The following KRABD3 variants were observed in gnomAD, a reference collection of about 807,000 sequenced individuals.
KRABD3 encodes the protein KRAB domain containing 3.
chr7:149,722,285 G>A, the KRABD3 span: 4 of 1,191,444 alleles, frequency 3.4e-6, no homozygotes, highest in Admixed American at 2.3e-5. Context: ...GAAAGAAACG[G>A]TAAAGGCCCT....
the KRABD3 span, chr7:149,719,459 G>C: frequency 7.1e-7 from 1 of 1,404,958 alleles, no homozygotes; most frequent in Non-Finnish European, 9.5e-7. The surrounding 1 kb of genome is among the most constrained non-coding windows in gnomAD (Gnocchi z 5.6). Context: ...GCGCCTGGAG[G>C]CCTAGGTGGG....
At chr7:149,725,574 C>A in the KRABD3 span, 2 of 1,336,550 alleles carry the variant, frequency 1.5e-6, no homozygotes, top group Non-Finnish European at 1.0e-6. Flanking sequence ...TCATTGTGTT[C>A]CCCGGCCTCC....
At chr7:149,731,672 G>A in the KRABD3 span, 2 of 1,607,342 alleles carry the variant, frequency 1.2e-6, no homozygotes, top group Non-Finnish European at 1.7e-6. Flanking sequence ...CTTTCTATAG[G>A]TACAGCTCAG....
the KRABD3 span, chr7:149,729,651 C>T: frequency 6.1e-6 from 6 of 985,476 alleles, no homozygotes; most frequent in Non-Finnish European, 7.2e-6. Context: ...CCGTCCACTG[C>T]TGCTGCTTGG....
chr7:149,715,096 G>A, the KRABD3 span: 2 of 1,230,850 alleles, frequency 1.6e-6, no homozygotes, highest in Non-Finnish European at 2.0e-6. Flanking sequence ...GGACCCCTCG[G>A]CGCAGTGCGG....
the KRABD3 span, chr7:149,728,635 G>A: frequency 1.2e-5 from 19 of 1,613,604 alleles, no homozygotes; most frequent in Non-Finnish European, 1.6e-5. Context: ...ACAGGGGACC[G>A]AGGAGAGCAG....
At chr7:149,720,169 C>G in the KRABD3 span, 4 of 1,548,380 alleles carry the variant, frequency 2.6e-6, no homozygotes, top group Non-Finnish European at 3.5e-6. Context: ...TCCCACTCAT[C>G]GGTCCTCAGC....
chr7:149,726,468 A>T, the KRABD3 span, among the ~76,000 whole-genome samples: 3 of 150,290 alleles, frequency 2.0e-5, no homozygotes, highest in African/African-American at 7.4e-5. Context: ...GACGAGTCTA[A>T]CTCCTGTTGC....
the KRABD3 span, chr7:149,728,414 G>A: frequency 7.8e-7 from 1 of 1,279,026 alleles, no homozygotes; most frequent in Non-Finnish European, 1.1e-6. Flanking sequence ...TCTGTGCCCA[G>A]CACCCCTGTG....
At chr7:149,729,112 T>G in the KRABD3 span, 4 of 1,198,604 alleles carry the variant, frequency 3.3e-6, no homozygotes, top group Non-Finnish European at 4.4e-6. Context: ...TGGCAGAAAC[T>G]GTTCCCTGTC....
chr7:149,725,152 C>A, the KRABD3 span, among the ~76,000 whole-genome samples: 1 of 152,164 alleles, frequency 6.6e-6, no homozygotes, highest in Non-Finnish European at 1.5e-5. Context: ...GGGCGAGAGC[C>A]GATCAGTCTC....
the KRABD3 span, chr7:149,730,541 C>T: frequency 6.2e-7 from 1 of 1,612,120 alleles, no homozygotes; most frequent in Non-Finnish European, 8.5e-7. Context: ...GAGAACAGAG[C>T]CCAGGTACTG....
chr7:149,725,146 G>A, the KRABD3 span, among the ~76,000 whole-genome samples: 1 of 152,300 alleles, frequency 6.6e-6, no homozygotes, highest in Middle Eastern at 3.4e-3. Flanking sequence ...GGTGGGGGGC[G>A]AGAGCCGATC....
chr7:149,734,419 A>ACCAG, the KRABD3 span: 12 of 206,266 alleles, frequency 5.8e-5, no homozygotes, highest in Admixed American at 1.6e-4. Context: ...CCTCCTAACC[A>ACCAG]CCAGCCGTTC....
At chr7:149,720,441 C>G in the KRABD3 span, among the ~76,000 whole-genome samples, 1 of 152,248 alleles carries the variant, frequency 6.6e-6, no homozygotes, top group African/African-American at 2.4e-5. Context: ...AGGCTTACAT[C>G]CCAAGACCTC....
the KRABD3 span, chr7:149,719,872 G>C: frequency 1.6e-6 from 2 of 1,252,962 alleles, no homozygotes; most frequent in South Asian, 3.2e-5. The surrounding 1 kb of genome is among the most constrained non-coding windows in gnomAD (Gnocchi z 5.6). Context: ...CTGAGGTTCC[G>C]ACCACTCTGC....
At chr7:149,727,029 A>G in the KRABD3 span, among the ~76,000 whole-genome samples, 1 of 152,236 alleles carries the variant, frequency 6.6e-6, no homozygotes, top group African/African-American at 2.4e-5. Context: ...TTCATGTCAG[A>G]AACATTTCAG....
the KRABD3 span, chr7:149,725,880 C>G: frequency 6.4e-7 from 1 of 1,564,934 alleles, no homozygotes; most frequent in Non-Finnish European, 8.7e-7. Flanking sequence ...TGTGCTGTTC[C>G]CTACAGAAGC....
At chr7:149,724,404 G>C in the KRABD3 span, among the ~76,000 whole-genome samples, 2 of 152,162 alleles carry the variant, frequency 1.3e-5, no homozygotes. Flanking sequence ...CATGATTGGT[G>C]CTGTCTGGGG....
Sources: gnomAD v4.1 joint callset for allele counts (sites outside exome capture counted in the v4.1 genomes callset) on GRCh38, gnomAD v4.1.1 for gene constraint, Gnocchi (gnomAD v3.1) non-coding constraint, MANE v1.5 for transcripts, NCBI Gene and HGNC (gene_info 2026-07-23, HGNC 2026-07-21) for gene names.